The following FGF13 variants were observed in gnomAD, a reference collection of about 807,000 sequenced individuals.
The protein encoded by FGF13 is fibroblast growth factor homologous factor 2.
In FGF13, 2 loss-of-function variants were observed where a neutral mutation model predicts 19.5. The ratio of observed to expected loss-of-function variants is 0.10; its 90% confidence interval spans 0.04 to 0.32. FGF13 has a LOEUF of 0.32. Ranked by LOEUF, FGF13 falls within the 10% of genes least tolerant of loss-of-function variation. The pLI is 1.00. For missense variants in FGF13, 113 were observed against 192.7 expected (o/e 0.59, Z 2.45); for synonymous variants, 72 against 76.9 (o/e 0.94, Z 0.33).
intron 1 of FGF13, among the ~76,000 whole-genome samples, chrX:139,055,922 T>C (rs1048396054): frequency 2.0e-4 from 23 of 112,824 alleles, no homozygotes; most frequent in African/African-American, 6.8e-4. Context: ...AGATATGTTA[T>C]ACCAAGTTAG....
chrX:139,154,947 C>T (rs1399005035), intron 1 of FGF13, among the ~76,000 whole-genome samples: 1 of 111,331 alleles, frequency 9.0e-6, no homozygotes, highest in Non-Finnish European at 1.9e-5. Context: ...GAGGTACATG[C>T]TATTATTATA....
intron 1 of FGF13, among the ~76,000 whole-genome samples, chrX:139,107,109 G>C (rs2083565957): frequency 8.9e-6 from 1 of 111,990 alleles, no homozygotes; most frequent in South Asian, 3.7e-4. Flanking sequence ...ACACAATAAA[G>C]TAGGGAGGAG....
At chrX:138,720,040 C>T (rs1311249135) in intron 1 of FGF13, among the ~76,000 whole-genome samples, 7 of 112,800 alleles carry the variant, frequency 6.2e-5, no homozygotes, top group Admixed American at 4.7e-4. Flanking sequence ...TTGACAAGTA[C>T]TGAGCTAAGA....
At chrX:138,771,650 A>G (rs2090545871) in intron 3 of FGF13, among the ~76,000 whole-genome samples, 1 of 110,723 alleles carries the variant, frequency 9.0e-6, no homozygotes, top group Admixed American at 9.7e-5. Context: ...ATAGAGACAC[A>G]TGAGAACGCT....
At chrX:139,113,672 C>T (rs1431228427) in intron 1 of FGF13, among the ~76,000 whole-genome samples, 1 of 111,817 alleles carries the variant, frequency 8.9e-6, no homozygotes, top group Non-Finnish European at 1.9e-5. Flanking sequence ...AGTAAAAGTC[C>T]GTTCACAATT....
At chrX:138,728,176 T>C (rs1378344941) in intron 1 of FGF13, among the ~76,000 whole-genome samples, 1 of 111,413 alleles carries the variant, frequency 9.0e-6, no homozygotes, top group African/African-American at 3.3e-5. Flanking sequence ...CTAAGTGATA[T>C]AATTTTTGCA....
In FGF13 at chrX:138,777,942, C is replaced by T. The variant is rs755134309; in HGVS notation, c.218-69014G>A. Among the ~76,000 whole-genome samples, 23 of 110,398 alleles carry T rather than the reference C, an allele frequency of 2.1e-4. 1 individual carries two copies. Among genetic ancestry groups the T allele is most frequent in the African/African-American group, 6.2e-4 (19 of 30,431 alleles). The stretch of plus-strand genomic sequence containing the variant: ...AAAAAAGATACTCAGTTCATAATAA[C>T]ATTGAGATGACTTAGATGTTAGCAT... On this transcript the variant is annotated intron_variant, in intron 3 of 6. Coordinates refer to the FGF13 transcript ENST00000436198.
At chrX:139,009,845 T>TA (rs1328138336) in intron 1 of FGF13, among the ~76,000 whole-genome samples, 1 of 111,436 alleles carries the variant, frequency 9.0e-6, no homozygotes, top group East Asian at 2.8e-4. Flanking sequence ...ATACTCCACT[T>TA]AAAAAACACA....
Position 138,659,743 on chromosome X carries a change from T to C in FGF13, c.403-24088A>G, listed in dbSNP as rs889609826. Among the ~76,000 whole-genome samples, 7 of 111,808 alleles carry C rather than the reference T, an allele frequency of 6.3e-5. No individual in the cohort carries two copies. In the South Asian group the frequency reaches 1.9e-3, roughly 30 times the overall value. ...CTATGCAGCCATAAAAAAGAATGCG[T>C]TCATGTCCTTTGCAGGGACACAGAT... On this transcript the variant is annotated intron_variant, in intron 3 of 4. Transcript: ENST00000315930.
chrX:139,150,826 C>G, intron 1 of FGF13, among the ~76,000 whole-genome samples: 1 of 111,484 alleles, frequency 9.0e-6, no homozygotes, highest in Non-Finnish European at 1.9e-5. Context: ...AAGGAGCAGC[C>G]CCTAATTCTG....
chrX:138,760,172 C>T (rs918032208), intron 3 of FGF13, among the ~76,000 whole-genome samples: 3 of 111,106 alleles, frequency 2.7e-5, no homozygotes, highest in Non-Finnish European at 3.8e-5. Context: ...TAACCCAGAT[C>T]GATGTTATTT....
At chrX:139,126,061 C>G (rs2083713625) in intron 1 of FGF13, among the ~76,000 whole-genome samples, 1 of 112,111 alleles carries the variant, frequency 8.9e-6, no homozygotes, top group Non-Finnish European at 1.9e-5. Context: ...TGTACCTATA[C>G]TTTACATGAC....
At position 139,177,616 on chromosome X, in the gene FGF13, G is replaced by A. The variant is rs533593739; in HGVS notation, c.-113+25800C>T. On this transcript the variant is annotated intron_variant, in intron 1 of 2. Coordinates refer to the FGF13 transcript ENST00000421460. ...TCAGGAGCTCTTGTAAGGCAGGCCT[G>A]GTGCTGGCAGCAAGAATTTCAAGCC... is the stretch of plus-strand genomic sequence containing the variant. Among the ~76,000 whole-genome samples the A allele has an allele frequency of 3.6e-5, 4 of 111,232 alleles. No individual in the cohort carries two copies. In the South Asian group the frequency reaches 1.5e-3, roughly 42 times the overall value.
At chrX:138,773,383 G>A (rs1033918679) in intron 3 of FGF13, among the ~76,000 whole-genome samples, 5 of 112,116 alleles carry the variant, frequency 4.5e-5, no homozygotes, top group African/African-American at 9.7e-5. Flanking sequence ...AATGGGTGAA[G>A]TTGATGAGCT....
intron 3 of FGF13, among the ~76,000 whole-genome samples, chrX:138,664,662 A>T (rs977178311): frequency 2.7e-5 from 3 of 111,378 alleles, no homozygotes; most frequent in African/African-American, 9.8e-5. Context: ...CTTGGCAGTT[A>T]GAAAATGCCA....
intron 1 of FGF13, among the ~76,000 whole-genome samples, chrX:138,717,924 G>T (rs753348692): frequency 7.1e-5 from 8 of 112,058 alleles, no homozygotes; most frequent in Admixed American, 6.6e-4. Flanking sequence ...AATTGTTAGT[G>T]CTTTTGCCTT....
At chrX:139,164,392 C>T (rs1468731537) in intron 1 of FGF13, among the ~76,000 whole-genome samples, 1 of 111,068 alleles carries the variant, frequency 9.0e-6, no homozygotes, top group African/African-American at 3.3e-5. Flanking sequence ...AATGTCAAAT[C>T]ACATCTAAAA....
chrX:139,164,721 A>AAATAAATAAATAAATG (rs1179073034), intron 1 of FGF13, among the ~76,000 whole-genome samples: 6 of 109,278 alleles, frequency 5.5e-5, no homozygotes, highest in African/African-American at 1.0e-4. Flanking sequence ...ATAAATAAAT[A>AAATAAATAAATAAATG]AATGAATGGA....
chrX:138,690,381 T>C (rs1049647720), intron 3 of FGF13, among the ~76,000 whole-genome samples: 1 of 111,290 alleles, frequency 9.0e-6, no homozygotes, highest in East Asian at 2.8e-4. Flanking sequence ...TGCCTACTAT[T>C]GGAACTTGAA....
Sources: gnomAD v4.1 joint callset for allele counts (sites outside exome capture counted in the v4.1 genomes callset) on GRCh38, gnomAD v4.1.1 for gene constraint, MANE v1.5 for transcripts, NCBI Gene and HGNC (gene_info 2026-07-23, HGNC 2026-07-21) for gene names.